The following ROBO1 variants were observed in gnomAD, a reference collection of about 807,000 sequenced individuals.
ROBO1 encodes roundabout homolog 1.
In ROBO1, 149 loss-of-function variants were observed where a neutral mutation model predicts 195.9. That is an observed-to-expected ratio of 0.76 (90% CI 0.67 to 0.87). ROBO1 has a LOEUF of 0.87. Ranked by LOEUF, ROBO1 falls within the 40% of genes least tolerant of loss-of-function variation. The pLI, the probability that ROBO1 is intolerant of heterozygous loss-of-function variation, is 0.00. For missense variants in ROBO1, 1,933 were observed against 2,068.3 expected, an observed-to-expected ratio of 0.93 and a Z score of 1.27; for synonymous variants, 816 against 733.2, an observed-to-expected ratio of 1.11 and a Z score of -1.82.
chr3:79,114,600 G>A (rs758529642), intron 3 of ROBO1, among the ~76,000 whole-genome samples: 3 of 152,038 alleles, frequency 2.0e-5, no homozygotes, highest in Non-Finnish European at 4.4e-5. Context: ...ATAAGGCATC[G>A]ACATTTCCAT....
intron 2 of ROBO1, among the ~76,000 whole-genome samples, chr3:79,455,545 A>G (rs1055515244): frequency 2.6e-5 from 4 of 152,098 alleles, no homozygotes; most frequent in African/African-American, 9.7e-5. Flanking sequence ...ATACTCACCT[A>G]TAATTCCTTC....
intron 2 of ROBO1, among the ~76,000 whole-genome samples, chr3:79,311,281 C>T (rs771412395): frequency 6.6e-5 from 10 of 152,064 alleles, no homozygotes; most frequent in Admixed American, 1.3e-4. Context: ...GGAGGTATTC[C>T]AGAAAGGGCT....
chr3:79,170,939 TGAA>T (rs890473643), intron 2 of ROBO1, among the ~76,000 whole-genome samples: 8 of 151,988 alleles, frequency 5.3e-5, no homozygotes, highest in African/African-American at 1.9e-4. Context: ...CATTCAGAAA[TGAA>T]GAAAATATCA....
chr3:78,901,734 A>AT (rs2037601428), intron 4 of ROBO1, among the ~76,000 whole-genome samples: 2 of 152,186 alleles, frequency 1.3e-5, no homozygotes, highest in South Asian at 4.1e-4. Flanking sequence ...TAGAAGACAC[A>AT]TTAGCTCTCT....
intron 2 of ROBO1, among the ~76,000 whole-genome samples, chr3:79,487,055 T>C (rs1173347363): frequency 1.3e-5 from 2 of 152,160 alleles, no homozygotes; most frequent in Non-Finnish European, 2.9e-5. Context: ...TCCTTTTCCT[T>C]TGTCTTGTCA....
chr3:79,103,950 T>G (rs1384017973), intron 3 of ROBO1, among the ~76,000 whole-genome samples: 1 of 151,752 alleles, frequency 6.6e-6, no homozygotes, highest in Non-Finnish European at 1.5e-5. Flanking sequence ...GGATTGACAA[T>G]GGTTGGGAGC....
At chr3:79,534,180 A>G (rs1038406522) in intron 2 of ROBO1, among the ~76,000 whole-genome samples, 2 of 138,224 alleles carry the variant, frequency 1.4e-5, no homozygotes, top group African/African-American at 5.3e-5. Flanking sequence ...AAAAAAAATC[A>G]ATTCTTCACC....
intron 2 of ROBO1, among the ~76,000 whole-genome samples, chr3:79,392,467 G>T (rs1425602333): frequency 6.6e-6 from 1 of 152,050 alleles, no homozygotes; most frequent in Admixed American, 6.5e-5. Context: ...GTCAAGGCAG[G>T]AATGATAGGA....
chr3:79,754,570 C>A (rs1186765420), intron 1 of ROBO1, among the ~76,000 whole-genome samples: 1 of 152,202 alleles, frequency 6.6e-6, no homozygotes, highest in African/African-American at 2.4e-5. Context: ...CTCAGCAACG[C>A]TAGCTCCATG....
chr3:78,951,850 G>A (rs1451462086), intron 3 of ROBO1, among the ~76,000 whole-genome samples: 2 of 152,042 alleles, frequency 1.3e-5, no homozygotes, highest in African/African-American at 4.8e-5. Flanking sequence ...ACTCCTAGTT[G>A]GATGTAAACT....
intron 2 of ROBO1, among the ~76,000 whole-genome samples, chr3:79,197,057 T>C (rs2081650675): frequency 6.6e-6 from 1 of 151,780 alleles, no homozygotes; most frequent in Non-Finnish European, 1.5e-5. Flanking sequence ...ATCTTGTTTT[T>C]CGTATTATTA....
intron 2 of ROBO1, among the ~76,000 whole-genome samples, chr3:79,529,777 T>G (rs1372314269): frequency 6.6e-6 from 1 of 152,200 alleles, no homozygotes; most frequent in Non-Finnish European, 1.5e-5. Context: ...GACTACTGTA[T>G]GGAACCAAAA....
chr3:78,643,215 T>G (rs1368866851), intron 21 of ROBO1, among the ~76,000 whole-genome samples: 1 of 152,162 alleles, frequency 6.6e-6, no homozygotes, highest in African/African-American at 2.4e-5. Flanking sequence ...ATTTGATAAC[T>G]ACTCAACTCT....
At chr3:78,877,562 T>C (rs933096821) in intron 4 of ROBO1, among the ~76,000 whole-genome samples, 2 of 152,202 alleles carry the variant, frequency 1.3e-5, no homozygotes, top group Admixed American at 1.3e-4. Flanking sequence ...ATAAGTCTGG[T>C]ATATTTTAAA....
intron 2 of ROBO1, among the ~76,000 whole-genome samples, chr3:79,533,668 T>A (rs866430511): frequency 7.2e-5 from 11 of 152,254 alleles, no homozygotes; most frequent in South Asian, 2.1e-4. Context: ...GCAAACTTAA[T>A]TGAACTAAAT....
In ROBO1 at chr3:78,598,852, T is replaced by C. The variant is rs1043717173; in HGVS notation, c.*61A>G. The C allele has an allele frequency of 1.0e-5, 12 of 1,179,772 alleles. No homozygotes were observed. The highest frequency in any genetic ancestry group is 8.8e-5 in the Admixed American group (4 of 45,578). 73.1% of individuals were successfully genotyped at this position (1,179,772 alleles called of 1,614,324 possible). A position where few individuals can be genotyped will look rare whatever the true frequency, so the allele number is the denominator to read the frequency against. On this transcript the variant is annotated 3_prime_UTR_variant, in exon 31 of 31. Transcript: ENST00000464233. ...ATTTTATCTGGCGTCATGTGTCATCTGACAGGAGGCATCTTGAGTGATGAT... is the reference window on the plus strand; with the variant it reads ...ATTTTATCTGGCGTCATGTGTCATCCGACAGGAGGCATCTTGAGTGATGAT...
chr3:79,063,601 G>A (rs1304989545), intron 3 of ROBO1, among the ~76,000 whole-genome samples: 1 of 150,876 alleles, frequency 6.6e-6, no homozygotes, highest in African/African-American at 2.4e-5. Flanking sequence ...CATTTTACCT[G>A]GCCTTTGGTA....
At chr3:79,726,729 C>A (rs564039844) in intron 1 of ROBO1, among the ~76,000 whole-genome samples, 115 of 152,188 alleles carry the variant, frequency 7.6e-4, no homozygotes, top group African/African-American at 2.6e-3. Context: ...ACATTTGTAC[C>A]TATATTTCTC....
intron 3 of ROBO1, among the ~76,000 whole-genome samples, chr3:78,977,715 T>C (rs888236740): frequency 8.6e-5 from 13 of 151,902 alleles, no homozygotes; most frequent in Admixed American, 7.2e-4. Context: ...CCTAGAAATA[T>C]ATACCACAAT....
Sources: allele counts gnomAD v4.1 joint callset (sites outside exome capture counted in the v4.1 genomes callset), GRCh38; gene constraint gnomAD v4.1.1; transcripts MANE v1.5; gene names NCBI Gene and HGNC (gene_info 2026-07-23, HGNC 2026-07-21).